The following MBNL1 variants were observed in gnomAD, a reference collection of about 807,000 sequenced individuals.
MBNL1 encodes muscleblind-like protein 1.
Under a neutral mutation model 42.2 loss-of-function variants are expected in MBNL1, and 8 were observed. The observed-to-expected ratio is 0.19, with a 90% confidence interval of 0.11 to 0.34. The LOEUF (loss-of-function observed/expected upper bound fraction) is 0.34, where lower values mean the gene tolerates loss of function less well. MBNL1 is among the 10% of genes least tolerant of loss of function. The pLI is 1.00. For missense variants in MBNL1, 309 were observed against 495.3 expected, an observed-to-expected ratio of 0.62 and a Z score of 3.57; for synonymous variants, 169 against 173.9, an observed-to-expected ratio of 0.97 and a Z score of 0.22.
intron 2 of MBNL1, among the ~76,000 whole-genome samples, chr3:152,249,804 A>G (rs2034195705): frequency 6.5e-5 from 9 of 138,816 alleles, no homozygotes; most frequent in South Asian, 2.4e-4. Context: ...TATAAGGTGT[A>G]AGGAAGGGAT....
At chr3:152,394,949 C>G (rs180889676) in intron 2 of MBNL1, among the ~76,000 whole-genome samples, 2 of 152,290 alleles carry the variant, frequency 1.3e-5, no homozygotes, top group African/African-American at 4.8e-5. Flanking sequence ...ATCTCCACCT[C>G]CCAGGTTCAA....
At position 152,405,665 on chromosome 3, in the gene MBNL1, T is replaced by G. The variant is rs114853288; in HGVS notation, c.175-9276T>G. ...ATTGGATGCATTTGACTTAAGAAGT[T>G]TACCTCTGTTTTATCCCCAGGAAAG... On this transcript the variant is annotated intron_variant, in intron 2 of 9. Coordinates refer to ENST00000324210, the MANE Select transcript of MBNL1 (RefSeq NM_021038.5). Among the ~76,000 whole-genome samples the G allele has an allele frequency of 6.3e-3, 959 of 152,228 alleles. 8 individuals carry two copies. Among genetic ancestry groups the G allele is most frequent in the African/African-American group, 0.022 (920 of 41,550 alleles).
chr3:152,422,268 C>CAA (rs200584264), intron 3 of MBNL1, among the ~76,000 whole-genome samples: 9,449 of 102,830 alleles, frequency 0.092, 750 homozygotes, highest in African/African-American at 0.21. Flanking sequence ...AAATGGAAAG[C>CAA]AAAAAAAAAA....
chr3:152,345,833 C>T (rs1317454283), intron 2 of MBNL1, among the ~76,000 whole-genome samples: 2 of 152,036 alleles, frequency 1.3e-5, no homozygotes, highest in Non-Finnish European at 2.9e-5. Flanking sequence ...CCTTTTTGAG[C>T]TTCAGATTTC....
chr3:152,325,634 G>T (rs1162456218), intron 2 of MBNL1, among the ~76,000 whole-genome samples: 1 of 151,162 alleles, frequency 6.6e-6, no homozygotes, highest in Admixed American at 6.6e-5. Context: ...CTACAGATAT[G>T]GACATTTATG....
chr3:152,336,917 A>T (rs1002022965), intron 2 of MBNL1, among the ~76,000 whole-genome samples: 1 of 152,180 alleles, frequency 6.6e-6, no homozygotes, highest in Non-Finnish European at 1.5e-5. Flanking sequence ...CACACACATA[A>T]CTGCTTTTAG....
intron 2 of MBNL1, among the ~76,000 whole-genome samples, chr3:152,356,856 AGTGTGTGT>A (rs59868027): frequency 2.0e-5 from 3 of 149,490 alleles, no homozygotes; most frequent in Admixed American, 6.7e-5. Flanking sequence ...ATATGTGTGT[AGTGTGTGT>A]GTGTGTGTGT....
At chr3:152,289,792 G>C (rs2054791450) in intron 1 of MBNL1, among the ~76,000 whole-genome samples, 2 of 152,076 alleles carry the variant, frequency 1.3e-5, no homozygotes. Context: ...TATGTGGCTT[G>C]AGTATTTGTA....
At chr3:152,288,552 T>G (rs1372734899) in intron 1 of MBNL1, among the ~76,000 whole-genome samples, 2 of 152,192 alleles carry the variant, frequency 1.3e-5, no homozygotes, top group African/African-American at 4.8e-5. Flanking sequence ...TAGCAGATAT[T>G]TTCTGACATT....
intron 2 of MBNL1, among the ~76,000 whole-genome samples, chr3:152,367,271 T>C (rs2096439074): frequency 6.9e-6 from 1 of 145,778 alleles, no homozygotes. Context: ...AGTTAGAACA[T>C]GTGGTGTTTG....
At chr3:152,347,922 G>T (rs2094489289) in intron 2 of MBNL1, among the ~76,000 whole-genome samples, 1 of 152,064 alleles carries the variant, frequency 6.6e-6, no homozygotes, top group African/African-American at 2.4e-5. Context: ...ACAACTGTAT[G>T]TTGTTCTCAT....
intron 2 of MBNL1, among the ~76,000 whole-genome samples, chr3:152,308,600 C>T (rs1009511471): frequency 7.9e-5 from 12 of 151,998 alleles, no homozygotes; most frequent in Admixed American, 7.2e-4. Context: ...TCCAAGTGAC[C>T]CCCATGTTTC....
At chr3:152,364,330 G>A (rs956188684) in intron 2 of MBNL1, among the ~76,000 whole-genome samples, 2 of 151,970 alleles carry the variant, frequency 1.3e-5, no homozygotes, top group African/African-American at 4.8e-5. Context: ...TTTGTTATCA[G>A]CAAGAGATCA....
intron 1 of MBNL1, among the ~76,000 whole-genome samples, chr3:152,291,060 G>A (rs2055659993): frequency 6.6e-6 from 1 of 152,234 alleles, no homozygotes; most frequent in East Asian, 1.9e-4. Context: ...GATCAGATAT[G>A]TCTACCTGAG....
intron 2 of MBNL1, among the ~76,000 whole-genome samples, chr3:152,359,448 A>AT (rs2095781871): frequency 6.6e-6 from 1 of 152,064 alleles, no homozygotes; most frequent in Admixed American, 6.6e-5. Context: ...ACCTGCTCTT[A>AT]TGGGGGTGGG....
chr3:152,414,805 T>C, intron 2 of MBNL1, 136 bp from the exon 3 acceptor site: 1 of 743,680 alleles, frequency 1.3e-6, no homozygotes, highest in South Asian at 1.8e-5. Context: ...TCTAAATGTA[T>C]GATCAAATGA....
chr3:152,408,881 A>C (rs1357776402), intron 2 of MBNL1, among the ~76,000 whole-genome samples: 5 of 152,144 alleles, frequency 3.3e-5, no homozygotes, highest in African/African-American at 1.2e-4. Context: ...AACATAGTAC[A>C]ATGCACAGGA....
intron 2 of MBNL1, among the ~76,000 whole-genome samples, chr3:152,412,573 G>A (rs747521460): frequency 1.3e-5 from 2 of 152,182 alleles, no homozygotes; most frequent in Non-Finnish European, 2.9e-5. Context: ...CATTTTTCCT[G>A]AGTAGATGTC....
At chr3:152,245,331 T>G (rs956935533) in intron 2 of MBNL1, among the ~76,000 whole-genome samples, 1 of 152,176 alleles carries the variant, frequency 6.6e-6, no homozygotes, top group African/African-American at 2.4e-5. Context: ...CTTTATACTT[T>G]GGTAAAAACA....
Sources: gnomAD v4.1 joint callset for allele counts (sites outside exome capture counted in the v4.1 genomes callset) on GRCh38, gnomAD v4.1.1 for gene constraint, MANE v1.5 for transcripts, NCBI Gene and HGNC (gene_info 2026-07-23, HGNC 2026-07-21) for gene names.